DNM3: variants seen among roughly 807,000 people sequenced by gnomAD.
The protein encoded by DNM3 is dynamin 3.
A neutral mutation model predicts 101.6 loss-of-function variants in DNM3; 47 were observed. The ratio of observed to expected loss-of-function variants is 0.46; its 90% CI spans 0.37 to 0.59. The LOEUF (loss-of-function observed/expected upper bound fraction) is 0.59. Among genes scored for constraint, DNM3 ranks in the 20% least tolerant of loss-of-function variants. DNM3 has a pLI of 0.00. For missense variants in DNM3, 849 were observed against 1,085.7 expected, an observed-to-expected ratio of 0.78 and a Z score of 3.06; for synonymous variants, 385 against 387.9, an observed-to-expected ratio of 0.99 and a Z score of 0.09.
intron 1 of DNM3, among the ~76,000 whole-genome samples, chr1:171,882,429 A>G (rs980713644): frequency 1.1e-5 from 1 of 88,172 alleles, no homozygotes; most frequent in Non-Finnish European, 2.1e-5. Context: ...GTCTCTCTCT[A>G]TACACACACA....
At chr1:171,978,741 G>A (rs1236605842) in intron 2 of DNM3, among the ~76,000 whole-genome samples, 2 of 152,144 alleles carry the variant, frequency 1.3e-5, no homozygotes, top group African/African-American at 4.8e-5. Context: ...TACTTTTATG[G>A]TAGTACAGGT....
rs192181810 is a variant in DNM3, at chr1:172,133,227, G to T, written c.1659+1939G>T. On this transcript the variant is annotated intron_variant, in intron 14 of 20. Coordinates refer to ENST00000627582, the MANE Select transcript of DNM3 (RefSeq NM_015569.5). ...CATTGGAAGGTATAGGATGCTCTCT[G>T]TAGGGAAGGAAGAAGCTTTGAAGGC... The T allele has an allele frequency of 3.5e-6, 4 of 1,128,402 alleles. No homozygotes were observed. The East Asian group carries it at 2.0e-4, about 57-fold the overall frequency. The allele number at this position is 1,128,402 out of a possible 1,614,324, so 69.9% of individuals were successfully genotyped here. A position where few individuals can be genotyped will look rare whatever the true frequency, so the allele number is the denominator to read the frequency against.
chr1:172,203,986 G>A (rs1431051811), intron 14 of DNM3, among the ~76,000 whole-genome samples: 1 of 152,084 alleles, frequency 6.6e-6, no homozygotes, highest in Non-Finnish European at 1.5e-5. Context: ...ATGTAAAATG[G>A]CTGGTACCAA....
intron 14 of DNM3, among the ~76,000 whole-genome samples, chr1:172,233,324 C>T (rs1163429037): frequency 6.6e-6 from 1 of 152,148 alleles, no homozygotes; most frequent in Non-Finnish European, 1.5e-5. Context: ...CATACACCCT[C>T]AGAAGACTAA....
intron 14 of DNM3, among the ~76,000 whole-genome samples, chr1:172,209,567 G>T (rs1045451209): frequency 6.6e-6 from 1 of 151,920 alleles, no homozygotes; most frequent in African/African-American, 2.4e-5. Flanking sequence ...GGTGATTATT[G>T]CTATTTGCAT....
intron 1 of DNM3, among the ~76,000 whole-genome samples, chr1:171,907,957 C>T (rs899334338): frequency 6.6e-6 from 1 of 152,170 alleles, no homozygotes; most frequent in East Asian, 1.9e-4. Context: ...TAAAGATACA[C>T]ATAATGTTTT....
rs115071456 is a variant in DNM3, at chr1:171,950,645, A to C, written c.235+28824A>C. Among the ~76,000 whole-genome samples, 242 of 152,306 alleles carry C rather than the reference A, an allele frequency of 1.6e-3. 1 individual carries two copies. The highest frequency in any genetic ancestry group is 5.6e-3 in the African/African-American group (231 of 41,570). ...AATGCAAATTAACCTATAGTGACAC[A>C]AAGCCCATTAGTGGTTTTTGGTGGA... On this transcript the variant is annotated intron_variant, in intron 2 of 20. Coordinates refer to ENST00000627582, the MANE Select transcript of DNM3 (RefSeq NM_015569.5).
intron 1 of DNM3, among the ~76,000 whole-genome samples, chr1:171,857,076 G>A (rs999610782): frequency 6.6e-6 from 1 of 152,190 alleles, no homozygotes; most frequent in African/African-American, 2.4e-5. Flanking sequence ...AGAGCTGGCA[G>A]AGTGAATTGG....
rs201056559 is a variant in DNM3 at position 172,254,877 on chromosome 1, T to C, written c.1769+1195T>C. Among the ~76,000 whole-genome samples, 31 of 152,260 alleles carry C rather than the reference T, an allele frequency of 2.0e-4. No individual in the cohort carries two copies. The East Asian group carries it at 2.1e-3, about 10-fold the overall frequency. On this transcript the variant is annotated intron_variant, in intron 15 of 20. Transcript: ENST00000627582. The stretch of plus-strand genomic sequence containing the variant: ...TGAAAATGTTATAGGAAAAAGCTAA[T>C]TAAAATTTGTGTGAGTCAGTTATTA...
intron 2 of DNM3, among the ~76,000 whole-genome samples, chr1:171,960,300 G>A (rs2043135893): frequency 6.6e-6 from 1 of 152,072 alleles, no homozygotes; most frequent in African/African-American, 2.4e-5. Context: ...TTCAACTTAG[G>A]CTTCTAGGCT....
intron 15 of DNM3, among the ~76,000 whole-genome samples, chr1:172,276,353 C>T (rs2063286412): frequency 6.6e-6 from 1 of 152,014 alleles, no homozygotes; most frequent in African/African-American, 2.4e-5. Context: ...ACTCACTTGA[C>T]TATTTTCTGC....
chr1:171,898,995 G>T (rs1186718455), intron 1 of DNM3, among the ~76,000 whole-genome samples: 2 of 152,230 alleles, frequency 1.3e-5, no homozygotes, highest in African/African-American at 4.8e-5. Context: ...TAGGGCCGTA[G>T]TGTCCTCCGG....
chr1:172,142,502 C>T (rs2057639390), intron 14 of DNM3, among the ~76,000 whole-genome samples: 1 of 151,976 alleles, frequency 6.6e-6, no homozygotes, highest in South Asian at 2.1e-4. Flanking sequence ...GCAGGAACTC[C>T]TTGGTTATCC....
intron 1 of DNM3, among the ~76,000 whole-genome samples, chr1:171,869,652 A>G (rs1412254812): frequency 6.6e-6 from 1 of 152,190 alleles, no homozygotes; most frequent in Non-Finnish European, 1.5e-5. Context: ...CGTGTCATGA[A>G]GGGTAATCAT....
chr1:171,917,118 T>C (rs1451640544), intron 1 of DNM3, among the ~76,000 whole-genome samples: 1 of 152,200 alleles, frequency 6.6e-6, no homozygotes, highest in Non-Finnish European at 1.5e-5. Context: ...TATTTTTGAA[T>C]AAATTGGCTC....
chr1:172,080,358 G>T (rs1450757823), intron 11 of DNM3, among the ~76,000 whole-genome samples: 1 of 152,170 alleles, frequency 6.6e-6, no homozygotes, highest in East Asian at 1.9e-4. Flanking sequence ...TCTGACTACA[G>T]CAGCTTTGTT....
chr1:172,407,876 A>ATT lies in DNM3; in HGVS notation c.*35_*36insTT. On this transcript the variant is annotated 3_prime_UTR_variant, in exon 21 of 21. Coordinates refer to ENST00000627582, the MANE Select transcript of DNM3 (RefSeq NM_015569.5). ...CTGGCATGGCAATTAATCACTAATGAATTATGCGAAAGCAACATATTTGAT... is the reference window on the plus strand; with the variant it reads ...CTGGCATGGCAATTAATCACTAATGATTATTATGCGAAAGCAACATATTTGAT... 1 of 1,612,636 alleles carries ATT rather than the reference A, an allele frequency of 6.2e-7. No homozygotes were observed. The highest frequency in any genetic ancestry group is 2.2e-5 in the East Asian group (1 of 44,866).
At chr1:172,222,472 G>C (rs2148569604) in intron 14 of DNM3, among the ~76,000 whole-genome samples, 1 of 152,264 alleles carries the variant, frequency 6.6e-6, no homozygotes, top group South Asian at 2.1e-4. Context: ...TTTGCATCAA[G>C]GAAGGTGATT....
intron 14 of DNM3, among the ~76,000 whole-genome samples, chr1:172,140,931 G>A (rs1202947652): frequency 6.6e-6 from 1 of 151,802 alleles, no homozygotes. Context: ...TTGAATATTA[G>A]TTTATTATTA....
Sources: allele counts gnomAD v4.1 joint callset (sites outside exome capture counted in the v4.1 genomes callset), GRCh38; gene constraint gnomAD v4.1.1; transcripts MANE v1.5; gene names NCBI Gene and HGNC (gene_info 2026-07-23, HGNC 2026-07-21).